NLRP14: variants seen among roughly 807,000 people sequenced by gnomAD.
NLRP14 encodes the protein NACHT, LRR and PYD domains-containing protein 14.
In NLRP14, 105 loss-of-function variants were observed where a neutral mutation model predicts 94.7. That is an observed-to-expected ratio of 1.11 (90% CI 0.95 to 1.30). The LOEUF is 1.30. Ranked by LOEUF, NLRP14 falls within the 50% of genes most tolerant of loss-of-function variation. The pLI is 0.00. For synonymous variants in NLRP14, 508 were observed against 459.9 expected, an observed-to-expected ratio of 1.10 and a Z score of -1.34; for missense variants, 1,362 against 1,254.1, an observed-to-expected ratio of 1.09 and a Z score of -1.30.
At chr11:7,079,910 G>A in the NLRP14 span, among the ~76,000 whole-genome samples, 1 of 152,194 alleles carries the variant, frequency 6.6e-6, no homozygotes, top group African/African-American at 2.4e-5. Flanking sequence ...CTGGCGGGAA[G>A]GCAGGAAGAT....
intron 1 of NLRP14, among the ~76,000 whole-genome samples, chr11:7,033,894 G>C (rs1162325456): frequency 2.0e-5 from 3 of 152,166 alleles, no homozygotes; most frequent in African/African-American, 7.2e-5. Flanking sequence ...GATGGGTTTG[G>C]GGAAGGAATA....
Position 7,042,834 on chromosome 11 carries a change from G to A in NLRP14, c.808G>A (p.Glu270Lys). The A allele has an allele frequency of 6.2e-7, 1 of 1,614,164 alleles. No individual in the cohort carries two copies. Among genetic ancestry groups the A allele is most frequent in the South Asian group, 1.1e-5 (1 of 91,078 alleles). Residue 270 changes from glutamate (E) to lysine (K), a missense_variant, in exon 4 of 12, where the codon GAA (glutamate) becomes AAA (lysine). Coordinates refer to ENST00000299481, the MANE Select transcript of NLRP14 (RefSeq NM_176822.4). ...SFDELNFAFE[E>K]PEFALCEDWT... The stretch of plus-strand genomic sequence containing the variant: ...CGATGAACTGAACTTTGCCTTTGAA[G>A]AACCTGAGTTTGCACTGTGCGAAGA...
the NLRP14 span, among the ~76,000 whole-genome samples, chr11:7,085,585 A>T: frequency 6.6e-6 from 1 of 152,166 alleles, no homozygotes. Flanking sequence ...ATAATATTTT[A>T]TTATGTGTAT....
At chr11:7,048,569 T>A (rs1485113301) in intron 5 of NLRP14, among the ~76,000 whole-genome samples, 1 of 152,122 alleles carries the variant, frequency 6.6e-6, no homozygotes, top group African/African-American at 2.4e-5. Flanking sequence ...TCTCAGTGTT[T>A]TTAGTGAGTT....
chr11:7,076,660 C>T, the NLRP14 span, among the ~76,000 whole-genome samples: 8 of 152,224 alleles, frequency 5.3e-5, no homozygotes, highest in African/African-American at 1.9e-4. Flanking sequence ...TCTCCCCCTC[C>T]CCTTTCCTAC....
chr11:7,088,984 G>C, the NLRP14 span: 3 of 1,026,584 alleles, frequency 2.9e-6, no homozygotes, highest in South Asian at 1.5e-5. Flanking sequence ...GCGGGGCTCC[G>C]GCTGCGGTTC....
At chr11:7,020,813 T>A (rs1334975275) in intron 1 of NLRP14, 43 bp downstream of exon 1, 1 of 152,504 alleles carries the variant, frequency 6.6e-6, no homozygotes, top group Non-Finnish European at 1.5e-5. Flanking sequence ...CCAGACACCC[T>A]CTTCGTTCCT....
In NLRP14 at chr11:7,046,687, C is replaced by T. The variant is rs773115889; in HGVS notation, c.1978C>T (p.His660Tyr). ...TNTWDGDRIT[H>Y]CWQDLCSVLH... ...GCAAAGGGATGGTGATCGCATTACT[C>T]ACTGTTGGCAAGATCTCTGTTCTGT... is the stretch of plus-strand genomic sequence containing the variant. The change falls in exon 5 of 12, where the codon CAC (histidine) becomes TAC (tyrosine). Residue 660 changes from histidine to tyrosine, a missense_variant. By Grantham distance (83) the His-to-Tyr change is moderately conservative. Transcript: ENST00000299481. 8 of 1,613,718 alleles carry T rather than the reference C, an allele frequency of 5.0e-6. No individual in the cohort carries two copies. Among genetic ancestry groups the T allele is most frequent in the Non-Finnish European group, 6.8e-6 (8 of 1,179,596 alleles).
chr11:7,063,292 A>G (rs1852654260), intron 10 of NLRP14, among the ~76,000 whole-genome samples: 1 of 152,112 alleles, frequency 6.6e-6, no homozygotes, highest in Non-Finnish European at 1.5e-5. Context: ...TAGGAGAGAC[A>G]AAGGACTTTA....
At chr11:7,059,024 A>G (rs1027535681) in intron 8 of NLRP14, among the ~76,000 whole-genome samples, 21 of 151,904 alleles carry the variant, frequency 1.4e-4, no homozygotes, top group Non-Finnish European at 2.9e-5. Context: ...TTGGACATCT[A>G]CAATCTTTTT....
chr11:7,061,835 A>G (rs1482387174), intron 9 of NLRP14, among the ~76,000 whole-genome samples: 1 of 152,048 alleles, frequency 6.6e-6, no homozygotes, highest in African/African-American at 2.4e-5. Flanking sequence ...GTTAGAGAAT[A>G]ATGTGGGGAC....
Position 7,057,791 on chromosome 11 carries a change from A to T in NLRP14, c.2406A>T (p.Gly802=), listed in dbSNP as rs1015073550. The T allele has an allele frequency of 6.2e-7, 1 of 1,612,326 alleles. No homozygotes were observed. ...NLSTNNLLDD[G]VQLLCEALRH... ...CAACCAATAATCTGTTGGATGATGGAGTGCAGCTTTTGTGTGAGGCCTTAA... is the reference window on the plus strand; with the variant it reads ...CAACCAATAATCTGTTGGATGATGGTGTGCAGCTTTTGTGTGAGGCCTTAA... The change falls in exon 7 of 12, where the codon GGA becomes GGT. Residue 802 remains glycine, a synonymous_variant. Transcript: ENST00000299481.
intron 9 of NLRP14, 93 bp from the exon 10 acceptor site, chr11:7,062,240 A>G: frequency 9.6e-7 from 1 of 1,038,402 alleles, no homozygotes; most frequent in East Asian, 2.4e-5. Context: ...AAGAGTGAGA[A>G]AAGAGGTTCA....
intron 10 of NLRP14, among the ~76,000 whole-genome samples, chr11:7,062,761 G>C (rs1852644774): frequency 1.3e-5 from 2 of 151,782 alleles, no homozygotes; most frequent in South Asian, 4.2e-4. Context: ...ACCTGGTTTG[G>C]GTCTTCATGT....
Position 7,062,493 on chromosome 11 carries a change from C to T in NLRP14, c.2965C>T (p.Gln989Ter), listed in dbSNP as rs773885092. 4 of 1,612,726 alleles carry T rather than the reference C, an allele frequency of 2.5e-6. No homozygotes were observed. The highest frequency in any genetic ancestry group is 3.3e-5 in the Admixed American group (2 of 59,882). Reference sequence around the variant, plus strand: ...TTTGAGATATCCAAACTGTAACATTCAGAGGCTCGGGTGAGTTCATAGTTT... The same window carrying T: ...TTTGAGATATCCAAACTGTAACATTTAGAGGCTCGGGTGAGTTCATAGTTT... Reference protein sequence around the residue: ...DALRYPNCNIQRLGLEYCGLT... With the variant: ...DALRYPNCNI The change falls in exon 10 of 12, where the codon CAG becomes TAG. Residue 989 changes from glutamine to a stop codon, truncating the protein, a stop_gained. Coordinates refer to ENST00000299481, the MANE Select transcript of NLRP14 (RefSeq NM_176822.4). LOFTEE classifies it high-confidence loss of function.
chr11:7,065,537 T>A (rs1852691497), intron 10 of NLRP14, among the ~76,000 whole-genome samples: 1 of 152,120 alleles, frequency 6.6e-6, no homozygotes, highest in Non-Finnish European at 1.5e-5. Context: ...TATTCTTTTT[T>A]CATTTTTTAT....
intron 4 of NLRP14, 112 bp from the exon 5 acceptor site, chr11:7,046,556 G>T: frequency 2.0e-6 from 2 of 978,568 alleles, no homozygotes; most frequent in South Asian, 1.3e-5. Flanking sequence ...TGCACTGGAT[G>T]CTCTTGCCTT....
chr11:7,037,005 A>G (rs1161579097), intron 1 of NLRP14, among the ~76,000 whole-genome samples: 1 of 152,206 alleles, frequency 6.6e-6, no homozygotes, highest in Non-Finnish European at 1.5e-5. Context: ...AAAAGGGAAG[A>G]GAGCGCCCCT....
At chr11:7,089,907 T>A in the NLRP14 span, 1 of 1,612,572 alleles carries the variant, frequency 6.2e-7, no homozygotes, top group Non-Finnish European at 8.5e-7. Context: ...CCGAGACGGC[T>A]ACGGAGGTCG....
Sources: gnomAD v4.1 joint callset for allele counts (sites outside exome capture counted in the v4.1 genomes callset) on GRCh38, gnomAD v4.1.1 for gene constraint, MANE v1.5 for transcripts, NCBI Gene and HGNC (gene_info 2026-07-23, HGNC 2026-07-21) for gene names.